The following C18orf54 variants were observed in gnomAD, a reference collection of about 807,000 sequenced individuals.
C18orf54 encodes chromosome 18 open reading frame 54, also known as lung adenoma susceptibility protein 2.
A neutral mutation model predicts 49.3 loss-of-function variants in C18orf54; 49 were observed. The observed-to-expected ratio is 0.99, with a 90% CI of 0.79 to 1.26. C18orf54 has a LOEUF of 1.26. Ranked by LOEUF, C18orf54 falls within the 50% of genes most tolerant of loss-of-function variation. The probability of loss-of-function intolerance (pLI) is 0.00; values close to 1 mark genes in which losing one functional copy is unlikely to be tolerated. For missense variants in C18orf54, 687 were observed against 620.6 expected, an observed-to-expected ratio of 1.11 and a Z score of -1.14; for synonymous variants, 211 against 216.6, an observed-to-expected ratio of 0.97 and a Z score of 0.23.
At chr18:54,359,659 G>C (rs2089221599) in intron 2 of C18orf54, among the ~76,000 whole-genome samples, 1 of 152,122 alleles carries the variant, frequency 6.6e-6, no homozygotes, top group Admixed American at 6.5e-5. Flanking sequence ...TTTAGTATAG[G>C]AAATCCATTC....
chr18:54,371,975 G>A (rs1321013918), intron 6 of C18orf54, among the ~76,000 whole-genome samples: 3 of 152,082 alleles, frequency 2.0e-5, no homozygotes, highest in Non-Finnish European at 2.9e-5. Context: ...AGGGGTAATC[G>A]AGCTATGAGT....
intron 7 of C18orf54, 46 bp downstream of exon 7, chr18:54,372,643 A>T: frequency 6.7e-7 from 1 of 1,501,862 alleles, no homozygotes; most frequent in East Asian, 2.3e-5. Flanking sequence ...GAATTTGTAT[A>T]AAGATTTTTT....
At chr18:54,361,616 T>G in intron 3 of C18orf54, 27 bp from the exon 4 acceptor site, 3 of 1,534,448 alleles carry the variant, frequency 2.0e-6, no homozygotes, top group Non-Finnish European at 2.6e-6. Context: ...TTGTATGTAA[T>G]AAACAAAACT....
At chr18:54,371,593 T>A (rs1784839994) in intron 6 of C18orf54, among the ~76,000 whole-genome samples, 1 of 152,106 alleles carries the variant, frequency 6.6e-6, no homozygotes, top group Non-Finnish European at 1.5e-5. Context: ...GCTATAGCAT[T>A]TTACCTTTCC....
chr18:54,370,314 G>C (rs2089463999), intron 6 of C18orf54, among the ~76,000 whole-genome samples: 3 of 151,606 alleles, frequency 2.0e-5, no homozygotes, highest in African/African-American at 7.3e-5. Context: ...CAATGTGCAA[G>C]TATTTACATA....
rs1393331591 is a variant in C18orf54, at chr18:54,358,769, C to T, written c.-143-5C>T. The T allele has an allele frequency of 6.6e-6, 1 of 152,212 alleles. No homozygotes were observed. The highest frequency in any genetic ancestry group is 6.5e-5 in the Admixed American group (1 of 15,280). The allele number at this position is 152,212 out of a possible 1,614,324, so 9.4% of individuals were successfully genotyped here. On this transcript the variant is annotated splice_region_variant and splice_polypyrimidine_tract_variant and intron_variant, in intron 1 of 8. Transcript: ENST00000620105. Reference sequence around the variant, plus strand: ...AACACTGAACATTCTGTTTTTGAATCAAAGTTAGTTAAAATTTGTTGTCAA... The same window carrying T: ...AACACTGAACATTCTGTTTTTGAATTAAAGTTAGTTAAAATTTGTTGTCAA...
rs760532831 is a variant in C18orf54 at position 54,362,898 on chromosome 18, A to G, written c.1200A>G (p.Ser400=). The change falls in exon 5 of 9, where the codon TCA becomes TCG. Residue 400 remains serine (S), a synonymous_variant. Transcript: ENST00000620105. ...TAGATAAACTTGAAGCAGACAGATC[A>G]TGGGAAAATATTCCTGTTACTTTGT... ...CSLDKLEADR[S]WENIPVTFKS... is the part of the protein sequence containing the mutation. 1.4e-5 allele frequency: 23 copies of G among 1,599,892 alleles called. No homozygotes were observed. Among genetic ancestry groups the G allele is most frequent in the Non-Finnish European group, 2.0e-5 (23 of 1,176,952 alleles).
Position 54,361,627 on chromosome 18 carries a change from G to T in C18orf54, c.284-16G>T, listed in dbSNP as rs551981374. 2.4e-5 allele frequency: 37 copies of T among 1,564,086 alleles called. No individual in the cohort carries two copies. The African/African-American group carries it at 4.7e-4, about 20-fold the overall frequency. ...ATATTTGTATGTAATAAACAAAACTGTTCTTCGTTTTTCAGCTTTTGAAAA... is the reference window on the plus strand; with the variant it reads ...ATATTTGTATGTAATAAACAAAACTTTTCTTCGTTTTTCAGCTTTTGAAAA... On this transcript the variant is annotated splice_polypyrimidine_tract_variant and intron_variant, in intron 3 of 8. Coordinates refer to ENST00000620105, the MANE Select transcript of C18orf54 (RefSeq NM_001288980.2).
Position 54,381,375 on chromosome 18 carries a change from C to T in C18orf54, c.*3129C>T, listed in dbSNP as rs2089670150. The T allele has an allele frequency of 6.6e-6, 1 of 152,138 alleles. No individual in the cohort carries two copies. Among genetic ancestry groups the T allele is most frequent in the South Asian group, 2.1e-4 (1 of 4,828 alleles). The allele number at this position is 152,138 out of a possible 1,614,324, so 9.4% of individuals were successfully genotyped here. On this transcript the variant is annotated 3_prime_UTR_variant, in exon 9 of 9. Transcript: ENST00000620105. ...TCACAATGTAGCAACTTTTATCCACCCTTCAGGACCTTCACTGGGACTAGT... is the reference window on the plus strand; with the variant it reads ...TCACAATGTAGCAACTTTTATCCACTCTTCAGGACCTTCACTGGGACTAGT...
At chr18:54,367,460 A>G (rs867069348) in intron 6 of C18orf54, among the ~76,000 whole-genome samples, 3 of 151,930 alleles carry the variant, frequency 2.0e-5, no homozygotes, top group African/African-American at 4.8e-5. Flanking sequence ...GAAAGAGTTT[A>G]TTTCTTTCAT....
intron 2 of C18orf54, 106 bp from the exon 3 acceptor site, chr18:54,360,421 G>A (rs2089241000): frequency 1.5e-6 from 1 of 682,522 alleles, no homozygotes. Context: ...ATAGATAATG[G>A]ATTTTATTAT....
chr18:54,361,762 G>A lies in C18orf54; in HGVS notation c.403G>A (p.Gly135Arg), dbSNP rs756912326. Reference sequence around the variant, plus strand: ...TGATCTATTAAGACTCCCAGCAGATGGATCATTTTCTTATACTTATGTTGG... The same window carrying A: ...TGATCTATTAAGACTCCCAGCAGATAGATCATTTTCTTATACTTATGTTGG... Reference protein sequence around the residue: ...TDDLLRLPADGSFSYTYVGPS... With the variant: ...TDDLLRLPADRSFSYTYVGPS... Residue 135 changes from glycine to arginine, a missense_variant, in exon 4 of 9, where the codon GGA becomes AGA. Coordinates refer to ENST00000620105, the MANE Select transcript of C18orf54 (RefSeq NM_001288980.2). The A allele has an allele frequency of 3.7e-6, 6 of 1,614,018 alleles. No homozygotes were observed. Among genetic ancestry groups the A allele is most frequent in the Non-Finnish European group, 5.1e-6 (6 of 1,179,964 alleles).
Position 54,372,586 on chromosome 18 carries a change from G to A in C18orf54, c.1447G>A (p.Glu483Lys). The change falls in exon 7 of 9, where the codon GAG becomes AAG. Residue 483 changes from glutamate to lysine, a missense_variant. Glu to Lys is a moderately conservative substitution (Grantham distance 56). Coordinates refer to ENST00000620105, the MANE Select transcript of C18orf54 (RefSeq NM_001288980.2). The stretch of plus-strand genomic sequence containing the variant: ...AAATAAGACCACAGATCCAAAAGAA[G>A]AGATTAAACAAGTAAGCACAAACAT... Reference protein sequence around the residue: ...NQNKTTDPKEEIKQVSEDDFS... With the variant: ...NQNKTTDPKEKIKQVSEDDFS... 2 of 1,600,564 alleles carry A rather than the reference G, an allele frequency of 1.2e-6. No individual in the cohort carries two copies. The highest frequency in any genetic ancestry group is 1.7e-6 in the Non-Finnish European group (2 of 1,173,614).
chr18:54,365,276 A>G (rs1203951900), intron 5 of C18orf54, among the ~76,000 whole-genome samples: 2 of 152,018 alleles, frequency 1.3e-5, no homozygotes, highest in African/African-American at 4.8e-5. Flanking sequence ...TATAAAGGGG[A>G]AGTCTGTTCT....
At chr18:54,359,667 T>C (rs144980676) in intron 2 of C18orf54, among the ~76,000 whole-genome samples, 45 of 152,346 alleles carry the variant, frequency 3.0e-4, no homozygotes, top group Admixed American at 5.2e-4. Flanking sequence ...AGGAAATCCA[T>C]TCATTTAATT....
chr18:54,368,204 T>C (rs2089421981), intron 6 of C18orf54, among the ~76,000 whole-genome samples: 1 of 152,160 alleles, frequency 6.6e-6, no homozygotes, highest in Non-Finnish European at 1.5e-5. Context: ...TGGAGTCTGT[T>C]ACTAGAGTTA....
chr18:54,369,465 G>GC (rs2044568419), intron 6 of C18orf54, among the ~76,000 whole-genome samples: 1 of 98,354 alleles, frequency 1.0e-5, no homozygotes, highest in Non-Finnish European at 2.0e-5. Flanking sequence ...TTTGTATATT[G>GC]CTTTTTTTTT....
At chr18:54,361,588 T>C in intron 3 of C18orf54, 55 bp from the exon 4 acceptor site, 1 of 1,397,540 alleles carries the variant, frequency 7.2e-7, no homozygotes. Flanking sequence ...TCATTTACTG[T>C]TGGATATTAT....
chr18:54,378,897 T>C lies in C18orf54; in HGVS notation c.*651T>C, dbSNP rs2089620214. 1 of 152,126 alleles carries C rather than the reference T, an allele frequency of 6.6e-6. No homozygotes were observed. The highest frequency in any genetic ancestry group is 1.5e-5 in the Non-Finnish European group (1 of 67,964). 9.4% of individuals were successfully genotyped at this position (152,126 alleles called of 1,614,324 possible). A position where few individuals can be genotyped will look rare whatever the true frequency, so the allele number is the denominator to read the frequency against. ...AGTACTTTGATTCTGTGTAAGATAATCTTGGTAGTGCTTGACAGTTTCCAA... is the reference window on the plus strand; with the variant it reads ...AGTACTTTGATTCTGTGTAAGATAACCTTGGTAGTGCTTGACAGTTTCCAA... On this transcript the variant is annotated 3_prime_UTR_variant, in exon 9 of 9. Transcript: ENST00000620105.
Sources: allele counts gnomAD v4.1 joint callset (sites outside exome capture counted in the v4.1 genomes callset), GRCh38; gene constraint gnomAD v4.1.1; transcripts MANE v1.5; gene names NCBI Gene and HGNC (gene_info 2026-07-23, HGNC 2026-07-21).